Variants in NRXN3 observed in about 807,000 individuals in gnomAD.
The protein encoded by NRXN3 is neurexin 3.
NRXN3 carries 32 observed loss-of-function variants against 137.6 expected under a neutral mutation model. That is an observed-to-expected ratio of 0.23 (90% confidence interval 0.18 to 0.31). The LOEUF (loss-of-function observed/expected upper bound fraction) is 0.31. Among genes scored for constraint, NRXN3 ranks in the 10% least tolerant of loss-of-function variants. The pLI is 1.00. For synonymous variants in NRXN3, 798 were observed against 784.5 expected, an observed-to-expected ratio of 1.02 and a Z score of -0.29; for missense variants, 1,574 against 2,062.5, an observed-to-expected ratio of 0.76 and a Z score of 4.59.
At chr14:79,276,249 G>C (rs2080261032) in intron 15 of NRXN3, among the ~76,000 whole-genome samples, 1 of 152,148 alleles carries the variant, frequency 6.6e-6, no homozygotes, top group African/African-American at 2.4e-5. Context: ...ATCCAGAAAA[G>C]AAGTCGAAAT....
At chr14:78,183,872 G>A (rs1322036900) in intron 1 of NRXN3, among the ~76,000 whole-genome samples, 1 of 152,200 alleles carries the variant, frequency 6.6e-6, no homozygotes, top group East Asian at 1.9e-4. Flanking sequence ...ATAGAAAAGG[G>A]AAGGTGGGGA....
At chr14:78,268,099 T>G (rs2072093843) in intron 2 of NRXN3, among the ~76,000 whole-genome samples, 1 of 152,162 alleles carries the variant, frequency 6.6e-6, no homozygotes, top group South Asian at 2.1e-4. Context: ...TACTAGATGT[T>G]TAATGAGGGG....
chr14:78,322,348 C>T (rs1436673585), intron 4 of NRXN3, among the ~76,000 whole-genome samples: 1 of 151,968 alleles, frequency 6.6e-6, no homozygotes, highest in Non-Finnish European at 1.5e-5. Flanking sequence ...GGTGATCATT[C>T]CTCCTGGACT....
intron 8 of NRXN3, among the ~76,000 whole-genome samples, chr14:78,760,845 A>C (rs2098690116): frequency 6.6e-6 from 1 of 152,002 alleles, no homozygotes; most frequent in South Asian, 2.1e-4. Context: ...AATGGTTGGG[A>C]TTTTCTGTGG....
chr14:78,936,188 A>C (rs749870418), intron 10 of NRXN3, among the ~76,000 whole-genome samples: 9 of 151,724 alleles, frequency 5.9e-5, no homozygotes, highest in Non-Finnish European at 1.2e-4. Context: ...AAACACACCC[A>C]CCTTTCCACT....
intron 20 of NRXN3, among the ~76,000 whole-genome samples, chr14:79,830,954 A>C (rs1344824611): frequency 2.6e-5 from 4 of 152,190 alleles, no homozygotes; most frequent in Non-Finnish European, 5.9e-5. Flanking sequence ...CAGGTTGAAG[A>C]AGCTCACTTT....
At chr14:78,669,443 C>A (rs1047497393) in intron 6 of NRXN3, among the ~76,000 whole-genome samples, 7 of 152,078 alleles carry the variant, frequency 4.6e-5, no homozygotes, top group Admixed American at 2.0e-4. Flanking sequence ...GCAGAGCAGC[C>A]CTGACGGCTG....
At chr14:79,399,785 C>T (rs1276707231) in intron 15 of NRXN3, among the ~76,000 whole-genome samples, 1 of 152,106 alleles carries the variant, frequency 6.6e-6, no homozygotes, top group Non-Finnish European at 1.5e-5. Flanking sequence ...ATTGGAAAAT[C>T]AGTTTCTCCC....
intron 17 of NRXN3, among the ~76,000 whole-genome samples, chr14:79,676,479 A>C (rs2098641458): frequency 1.3e-5 from 2 of 151,778 alleles, no homozygotes; most frequent in Non-Finnish European, 2.9e-5. Context: ...GTTATAAGGG[A>C]TGAATAAGTC....
At chr14:78,523,995 A>G (rs1292176949) in intron 4 of NRXN3, among the ~76,000 whole-genome samples, 1 of 152,086 alleles carries the variant, frequency 6.6e-6, no homozygotes, top group African/African-American at 2.4e-5. Context: ...AGCCCAATCA[A>G]TGTCCTGGGT....
chr14:79,413,454 T>C (rs2095448319), intron 15 of NRXN3, among the ~76,000 whole-genome samples: 2 of 152,100 alleles, frequency 1.3e-5, no homozygotes, highest in Admixed American at 6.6e-5. Flanking sequence ...GATTCACTGT[T>C]GCTTCATACC....
intron 6 of NRXN3, among the ~76,000 whole-genome samples, chr14:78,699,638 C>T (rs2098260107): frequency 6.6e-6 from 1 of 152,036 alleles, no homozygotes; most frequent in African/African-American, 2.4e-5. Context: ...TAATAGTTAC[C>T]TTTTTCCCCT....
At chr14:79,224,123 G>C (rs2070361324) in intron 15 of NRXN3, among the ~76,000 whole-genome samples, 1 of 152,074 alleles carries the variant, frequency 6.6e-6, no homozygotes, top group South Asian at 2.1e-4. Context: ...TTCAATTCTT[G>C]GGAACTGTCT....
intron 15 of NRXN3, among the ~76,000 whole-genome samples, chr14:79,007,280 G>A (rs1337539124): frequency 6.6e-6 from 1 of 152,024 alleles, no homozygotes; most frequent in Admixed American, 6.6e-5. Context: ...TTTGTTCATG[G>A]CATGCACATT....
At chr14:78,828,547 A>C (rs2098973287) in intron 10 of NRXN3, among the ~76,000 whole-genome samples, 1 of 152,228 alleles carries the variant, frequency 6.6e-6, no homozygotes, top group South Asian at 2.1e-4. Context: ...GGTAAGGCTG[A>C]GTTCCAATAC....
chr14:78,586,929 G>A (rs967831967), intron 4 of NRXN3, among the ~76,000 whole-genome samples: 1 of 152,214 alleles, frequency 6.6e-6, no homozygotes, highest in African/African-American at 2.4e-5. Flanking sequence ...GCTCGCCTGA[G>A]GAATTATGCA....
intron 6 of NRXN3, among the ~76,000 whole-genome samples, chr14:78,654,655 A>T (rs953488432): frequency 6.6e-6 from 1 of 152,224 alleles, no homozygotes. Flanking sequence ...TACACACCTT[A>T]GTTATCAATA....
Position 79,078,132 on chromosome 14 carries a change from G to A in NRXN3, c.3262+89991G>A, listed in dbSNP as rs540590633. 2.0e-5 allele frequency among the ~76,000 whole-genome samples: 3 copies of A among 152,206 alleles called. No individual in the cohort carries two copies. The East Asian group carries it at 5.8e-4, about 29-fold the overall frequency. The stretch of plus-strand genomic sequence containing the variant: ...TTGTTCAGAATGACACTTGAAAGAT[G>A]CCTAGGATTTCTACTGCTGCTCTTA... On this transcript the variant is annotated intron_variant, in intron 15 of 20. Coordinates refer to ENST00000335750, the MANE Select transcript of NRXN3 (RefSeq NM_001330195.2).
At chr14:79,689,042 A>G (rs1451022707) in intron 17 of NRXN3, among the ~76,000 whole-genome samples, 1 of 152,140 alleles carries the variant, frequency 6.6e-6, no homozygotes, top group Non-Finnish European at 1.5e-5. Flanking sequence ...GTGATTAAGA[A>G]ATGAAGTTAT....
Sources: gnomAD v4.1 joint callset for allele counts (sites outside exome capture counted in the v4.1 genomes callset) on GRCh38, gnomAD v4.1.1 for gene constraint, MANE v1.5 for transcripts, NCBI Gene and HGNC (gene_info 2026-07-23, HGNC 2026-07-21) for gene names.